SOX5: variants seen among roughly 807,000 people sequenced by gnomAD.
SOX5 encodes transcription factor SOX-5.
A neutral mutation model predicts 92.0 loss-of-function variants in SOX5; 9 were observed. That is an observed-to-expected ratio of 0.10 (90% CI 0.06 to 0.17). The LOEUF (loss-of-function observed/expected upper bound fraction) is 0.17, where lower values mean the gene tolerates loss of function less well. Among genes scored for constraint, SOX5 ranks in the 10% least tolerant of loss-of-function variants. SOX5 has a pLI of 1.00. For missense variants in SOX5, 642 were observed against 944.5 expected, an observed-to-expected ratio of 0.68 and a Z score of 4.20; for synonymous variants, 344 against 336.3, an observed-to-expected ratio of 1.02 and a Z score of -0.25.
At chr12:24,000,962 T>C (rs1446455332) in intron 4 of SOX5, among the ~76,000 whole-genome samples, 1 of 152,190 alleles carries the variant, frequency 6.6e-6, no homozygotes, top group East Asian at 1.9e-4. Context: ...TATAGAATGC[T>C]TCTTCCAGCA....
In SOX5 at chr12:23,808,996, C is replaced by T. The variant is rs1403007791; in HGVS notation, c.481+36987G>A. Among the ~76,000 whole-genome samples, 32 of 152,040 alleles carry T rather than the reference C, an allele frequency of 2.1e-4. 3 individuals carry two copies. Among genetic ancestry groups the T allele is most frequent in the Admixed American group, 2.0e-3 (31 of 15,258 alleles). On this transcript the variant is annotated intron_variant, in intron 3 of 14. Transcript: ENST00000451604. ...GTAATTTGCATATACACATCATATA[C>T]GTTGTAATATTATCCTTCAAACTCA...
intron 3 of SOX5, among the ~76,000 whole-genome samples, chr12:24,238,180 TGA>T (rs1421868113): frequency 6.6e-6 from 1 of 152,080 alleles, no homozygotes; most frequent in Non-Finnish European, 1.5e-5. Flanking sequence ...ATAAAGTTGC[TGA>T]AAGAAAGGAT....
At chr12:24,055,393 A>T (rs1024824927) in intron 4 of SOX5, among the ~76,000 whole-genome samples, 2 of 152,240 alleles carry the variant, frequency 1.3e-5, no homozygotes, top group African/African-American at 4.8e-5. Flanking sequence ...AGTCTATAGG[A>T]CATGGCAAAA....
intron 8 of SOX5, among the ~76,000 whole-genome samples, chr12:23,609,570 T>C (rs1035543395): frequency 6.6e-6 from 1 of 152,228 alleles, no homozygotes; most frequent in African/African-American, 2.4e-5. Flanking sequence ...ACAATGTATA[T>C]GAAGTCTTCA....
intron 4 of SOX5, among the ~76,000 whole-genome samples, chr12:24,115,000 G>C (rs932435552): frequency 1.3e-5 from 2 of 152,200 alleles, no homozygotes; most frequent in South Asian, 4.1e-4. Context: ...CTTAAAAATT[G>C]AAAATAGATG....
chr12:24,385,857 G>A (rs1041443589), intron 1 of SOX5, among the ~76,000 whole-genome samples: 12 of 150,052 alleles, frequency 8.0e-5, no homozygotes, highest in South Asian at 2.1e-4. Context: ...AATTGAGCCC[G>A]GGAGGTAGAG....
intron 7 of SOX5, among the ~76,000 whole-genome samples, chr12:23,651,467 C>A (rs188288454): frequency 7.4e-4 from 112 of 152,118 alleles, no homozygotes; most frequent in Non-Finnish European, 1.2e-3. Context: ...CAACTAATTT[C>A]CATTCAATTA....
At chr12:24,189,422 T>G (rs1209272061) in intron 4 of SOX5, among the ~76,000 whole-genome samples, 1 of 152,200 alleles carries the variant, frequency 6.6e-6, no homozygotes, top group African/African-American at 2.4e-5. Context: ...GGGGTACTGT[T>G]GATAGGTGAT....
chr12:23,645,825 G>A (rs546626453), intron 7 of SOX5, among the ~76,000 whole-genome samples: 2 of 152,072 alleles, frequency 1.3e-5, no homozygotes, highest in African/African-American at 2.4e-5. Flanking sequence ...GTGTATAAAT[G>A]TATATATACA....
At chr12:24,152,126 C>T (rs1460249739) in intron 4 of SOX5, among the ~76,000 whole-genome samples, 1 of 152,100 alleles carries the variant, frequency 6.6e-6, no homozygotes, top group Non-Finnish European at 1.5e-5. Context: ...TATCTCAAAT[C>T]TTTATGAAAT....
chr12:24,056,793 G>C (rs1958154400), intron 4 of SOX5, among the ~76,000 whole-genome samples: 4 of 150,250 alleles, frequency 2.7e-5, no homozygotes, highest in Admixed American at 6.6e-5. Flanking sequence ...GGCTAAAACG[G>C]TGAAACCCCG....
chr12:24,502,254 T>C (rs568313587), intron 1 of SOX5, among the ~76,000 whole-genome samples: 1 of 152,124 alleles, frequency 6.6e-6, no homozygotes, highest in Admixed American at 6.5e-5. Context: ...CAACAATGGG[T>C]CAGGGATAAT....
intron 2 of SOX5, among the ~76,000 whole-genome samples, chr12:24,336,168 C>T (rs1268466223): frequency 6.6e-6 from 1 of 151,326 alleles, no homozygotes; most frequent in Non-Finnish European, 1.5e-5. Flanking sequence ...AATCTTGGCT[C>T]ACTGCAAACT....
chr12:24,192,922 TTTTA>T (rs1214193269), intron 4 of SOX5, among the ~76,000 whole-genome samples: 3 of 152,170 alleles, frequency 2.0e-5, no homozygotes, highest in Non-Finnish European at 4.4e-5. Context: ...CATTATTTCT[TTTTA>T]TTTGTCTTTT....
At chr12:24,504,385 C>T (rs867997253) in intron 1 of SOX5, among the ~76,000 whole-genome samples, 8 of 152,192 alleles carry the variant, frequency 5.3e-5, no homozygotes, top group Middle Eastern at 3.4e-3. Context: ...AAAAAAATTA[C>T]ATTACAGGTC....
intron 2 of SOX5, among the ~76,000 whole-genome samples, chr12:24,316,763 A>G (rs909404440): frequency 1.3e-5 from 2 of 152,244 alleles, no homozygotes; most frequent in African/African-American, 4.8e-5. Context: ...TCCTTTAAAA[A>G]GCATTCCTTA....
At position 24,204,255 on chromosome 12, in the gene SOX5, C is replaced by T. The variant is rs554365720; in HGVS notation, c.-2+9088G>A. On this transcript the variant is annotated intron_variant, in intron 4 of 4. Coordinates refer to the SOX5 transcript ENST00000446891. ...CATTTAGATAGTTTTTAATATGTTA[C>T]AATTATAAACAATGTCATGATGAAT... Among the ~76,000 whole-genome samples the T allele has an allele frequency of 2.0e-4, 30 of 151,916 alleles. No homozygotes were observed. In the South Asian group the frequency reaches 5.8e-3, roughly 29 times the overall value.
At chr12:23,897,298 T>C (rs1270202603) in intron 1 of SOX5, among the ~76,000 whole-genome samples, 1 of 152,090 alleles carries the variant, frequency 6.6e-6, no homozygotes, top group Non-Finnish European at 1.5e-5. Flanking sequence ...TTTAGTGTTA[T>C]AAGTTTCAAA....
intron 1 of SOX5, among the ~76,000 whole-genome samples, chr12:24,488,043 T>A (rs78424966): frequency 0.019 from 2,833 of 152,270 alleles, 79 homozygotes; most frequent in African/African-American, 0.066. Flanking sequence ...ATTATTTCCC[T>A]GGAGCAAAAT....
Sources: gnomAD v4.1 joint callset for allele counts (sites outside exome capture counted in the v4.1 genomes callset) on GRCh38, gnomAD v4.1.1 for gene constraint, MANE v1.5 for transcripts, NCBI Gene and HGNC (gene_info 2026-07-23, HGNC 2026-07-21) for gene names.